Variants in SCGB2B2 observed in about 807,000 individuals in gnomAD.
The protein encoded by SCGB2B2 is secretoglobin family 2B member 2.
Under a neutral mutation model 7.6 loss-of-function variants are expected in SCGB2B2, and 11 were observed. That is an observed-to-expected ratio of 1.45 (90% CI 0.91 to 2.40). The LOEUF (loss-of-function observed/expected upper bound fraction) is 2.40. Among genes scored for constraint, SCGB2B2 ranks in the 30% most tolerant of loss-of-function variants. SCGB2B2 has a pLI of 0.00. For missense variants in SCGB2B2, 104 were observed against 115.4 expected, an observed-to-expected ratio of 0.90 and a Z score of 0.45; for synonymous variants, 50 against 48.6, an observed-to-expected ratio of 1.03 and a Z score of -0.12.
chr19:34,614,802 T>C (rs10409893), intron 1 of SCGB2B2, among the ~76,000 whole-genome samples: 17,159 of 152,284 alleles, frequency 0.11, 1,064 homozygotes, highest in South Asian at 0.19. Flanking sequence ...CTTGTGCCAG[T>C]TGGCAAGAAA....
intron 1 of SCGB2B2, among the ~76,000 whole-genome samples, chr19:34,664,671 A>C (rs1023703630): frequency 2.6e-5 from 4 of 151,998 alleles, no homozygotes; most frequent in African/African-American, 9.7e-5. Context: ...TGTTCCAGCA[A>C]ACTCCTTGTC....
chr19:34,648,338 G>A (rs114196984), intron 1 of SCGB2B2, among the ~76,000 whole-genome samples: 3,428 of 152,260 alleles, frequency 0.023, 107 homozygotes, highest in African/African-American at 0.079. Context: ...AGCTTTTAAC[G>A]ATCAAAGGCC....
chr19:34,648,296 CAT>C (rs1191679320), intron 1 of SCGB2B2, among the ~76,000 whole-genome samples: 1 of 152,156 alleles, frequency 6.6e-6, no homozygotes, highest in Non-Finnish European at 1.5e-5. Flanking sequence ...GAATAAATCT[CAT>C]GTTATTTAAT....
chr19:34,619,481 T>C (rs546816832), intron 1 of SCGB2B2, among the ~76,000 whole-genome samples: 3 of 152,328 alleles, frequency 2.0e-5, no homozygotes, highest in South Asian at 2.1e-4. Context: ...GATGGTAACC[T>C]TGGATGCATG....
At chr19:34,651,987 C>A (rs1313640838) in intron 1 of SCGB2B2, among the ~76,000 whole-genome samples, 2 of 150,956 alleles carry the variant, frequency 1.3e-5, no homozygotes, top group Non-Finnish European at 2.9e-5. Flanking sequence ...TGTTTACAAC[C>A]AAGTGATTTT....
At chr19:34,602,555 T>C (rs58211733) in intron 1 of SCGB2B2, among the ~76,000 whole-genome samples, 48,243 of 151,910 alleles carry the variant, frequency 0.32, 8,515 homozygotes, top group Middle Eastern at 0.48. Context: ...CTTTGTTTTT[T>C]TGTGGGTTGA....
At position 34,655,718 on chromosome 19, in the gene SCGB2B2, T is replaced by C. The variant is rs942462159; in HGVS notation, c.-2032+19912A>G. On this transcript the variant is annotated intron_variant, in intron 1 of 3. Transcript: ENST00000601241. ...AGATACCTTCTGGTTCACAGGCTTA[T>C]GGCTGTGCTGTGAGCAAAGTTAAGG... Among the ~76,000 whole-genome samples, 4 of 151,334 alleles carry C rather than the reference T, an allele frequency of 2.6e-5. 1 individual carries two copies. The highest frequency in any genetic ancestry group is 1.3e-4 in the Admixed American group (2 of 15,256).
intron 1 of SCGB2B2, among the ~76,000 whole-genome samples, chr19:34,647,558 C>G (rs1270773046): frequency 6.8e-6 from 1 of 146,116 alleles, no homozygotes; most frequent in African/African-American, 2.5e-5. Flanking sequence ...CATCTCAGGC[C>G]ACGTCTTCTC....
intron 1 of SCGB2B2, among the ~76,000 whole-genome samples, chr19:34,665,061 AC>A (rs1380760889): frequency 7.2e-5 from 11 of 152,042 alleles, no homozygotes; most frequent in Admixed American, 6.5e-4. Context: ...TGCCTTTCTG[AC>A]CCTGGACCTG....
chr19:34,667,510 G>A (rs950136733), intron 1 of SCGB2B2, among the ~76,000 whole-genome samples: 5 of 152,070 alleles, frequency 3.3e-5, no homozygotes, highest in African/African-American at 1.2e-4. Context: ...GCTGATTGCG[G>A]GCCACTACTT....
chr19:34,641,546 G>C (rs2066841302), intron 1 of SCGB2B2, among the ~76,000 whole-genome samples: 1 of 152,206 alleles, frequency 6.6e-6, no homozygotes, highest in South Asian at 2.1e-4. Flanking sequence ...AGCTGGTTTG[G>C]AGTTTCGTTT....
At chr19:34,641,733 C>A (rs943910029) in intron 1 of SCGB2B2, among the ~76,000 whole-genome samples, 5 of 152,176 alleles carry the variant, frequency 3.3e-5, no homozygotes, top group Non-Finnish European at 7.4e-5. Flanking sequence ...AAAACTCCTG[C>A]AGCTGCAGAA....
In SCGB2B2 at chr19:34,676,223, T is replaced by A. The variant is rs2067941584; in HGVS notation, c.-2625A>T. ...GACACAGAGCACTGATTGGTGTATT[T>A]ACAATCCTTCAGCTATACAGAAAAG... is the stretch of plus-strand genomic sequence containing the variant. On this transcript the variant is annotated 5_prime_UTR_variant, in exon 1 of 4. Coordinates refer to ENST00000601241, the MANE Select transcript of SCGB2B2 (RefSeq NM_001025591.4). The A allele has an allele frequency of 1.3e-5, 2 of 152,244 alleles. No individual in the cohort carries two copies. Among genetic ancestry groups the A allele is most frequent in the Admixed American group, 1.3e-4 (2 of 15,282 alleles). The allele number at this position is 152,244 out of a possible 1,614,324, so 9.4% of individuals were successfully genotyped here. A position where few individuals can be genotyped will look rare whatever the true frequency, so the allele number is the denominator to read the frequency against.
chr19:34,667,408 TCCGGCCCAGGAGAA>T (rs2067662673), intron 1 of SCGB2B2, among the ~76,000 whole-genome samples: 1 of 151,986 alleles, frequency 6.6e-6, no homozygotes, highest in Non-Finnish European at 1.5e-5. Context: ...AGGCAGCCTG[TCCGGCCCAGGAGAA>T]CCTGGGCCCG....
At chr19:34,609,339 T>C (rs548497867) in intron 1 of SCGB2B2, among the ~76,000 whole-genome samples, 9 of 151,264 alleles carry the variant, frequency 5.9e-5, no homozygotes, top group African/African-American at 2.2e-4. Flanking sequence ...TATAGTCCTG[T>C]TTATTTTTTC....
At chr19:34,587,133 C>T (rs192352677), downstream of SCGB2B2, among the ~76,000 whole-genome samples, 6 of 152,208 alleles carry the variant, frequency 3.9e-5, no homozygotes, top group East Asian at 1.9e-4. Context: ...GTCTGGAACT[C>T]GTGACCTCAG....
At chr19:34,664,696 C>T (rs982296341) in intron 1 of SCGB2B2, among the ~76,000 whole-genome samples, 1 of 152,140 alleles carries the variant, frequency 6.6e-6, no homozygotes, top group Non-Finnish European at 1.5e-5. Flanking sequence ...AGCTCTAGGG[C>T]CCCGGCCACT....
chr19:34,673,030 GCAT>G (rs1275154240), intron 1 of SCGB2B2, among the ~76,000 whole-genome samples: 7 of 152,164 alleles, frequency 4.6e-5, no homozygotes, highest in African/African-American at 1.7e-4. Flanking sequence ...AACAGCTTCT[GCAT>G]CAGAGTAAAC....
At chr19:34,637,822 C>G (rs2066728353) in intron 1 of SCGB2B2, 2 of 152,144 alleles carry the variant, frequency 1.3e-5, no homozygotes, top group South Asian at 4.1e-4. Flanking sequence ...ACCCGATGGG[C>G]TATTTAAAAA....
Sources: allele counts gnomAD v4.1 joint callset (sites outside exome capture counted in the v4.1 genomes callset), GRCh38; gene constraint gnomAD v4.1.1; transcripts MANE v1.5; gene names NCBI Gene and HGNC (gene_info 2026-07-23, HGNC 2026-07-21).